The following TBC1D32 variants were observed in gnomAD, a reference collection of about 807,000 sequenced individuals.
TBC1D32 encodes TBC1 domain family member 32.
TBC1D32 carries 151 observed loss-of-function variants against 170.3 expected under a neutral mutation model. The ratio of observed to expected loss-of-function variants is 0.89; its 90% CI spans 0.78 to 1.01. The LOEUF (loss-of-function observed/expected upper bound fraction) is 1.01. Among genes scored for constraint, TBC1D32 ranks in the 50% least tolerant of loss-of-function variants. The pLI, the probability that TBC1D32 is intolerant of heterozygous loss-of-function variation, is 0.00. For missense variants in TBC1D32, 1,464 were observed against 1,457.1 expected, an observed-to-expected ratio of 1.00 and a Z score of -0.08; for synonymous variants, 498 against 488.0, an observed-to-expected ratio of 1.02 and a Z score of -0.27.
intron 15 of TBC1D32, among the ~76,000 whole-genome samples, chr6:121,270,653 C>G (rs141871647): frequency 2.6e-5 from 4 of 152,022 alleles, no homozygotes; most frequent in African/African-American, 7.2e-5. Flanking sequence ...CAGGACCAGA[C>G]GGATTCACAG....
At chr6:121,309,992 G>A (rs772238807) in intron 4 of TBC1D32, among the ~76,000 whole-genome samples, 6 of 151,942 alleles carry the variant, frequency 3.9e-5, no homozygotes, top group Admixed American at 6.6e-5. Flanking sequence ...TCATGATTGC[G>A]CCACTGTGCT....
intron 24 of TBC1D32, among the ~76,000 whole-genome samples, chr6:121,159,402 C>T (rs941633562): frequency 6.6e-6 from 1 of 152,044 alleles, no homozygotes; most frequent in Non-Finnish European, 1.5e-5. Context: ...AATCAAAGAC[C>T]ATTACTTTTT....
intron 15 of TBC1D32, among the ~76,000 whole-genome samples, chr6:121,265,984 A>G (rs1016740455): frequency 6.6e-6 from 1 of 152,174 alleles, no homozygotes; most frequent in Non-Finnish European, 1.5e-5. Context: ...AAGAAAACCT[A>G]GACAATACCA....
At chr6:121,179,047 AT>A (rs1460688787) in intron 22 of TBC1D32, among the ~76,000 whole-genome samples, 1 of 152,156 alleles carries the variant, frequency 6.6e-6, no homozygotes, top group Non-Finnish European at 1.5e-5. Context: ...CACAAAGTTT[AT>A]AGAAATTTTT....
chr6:121,177,251 C>G (rs1787895268), intron 22 of TBC1D32, among the ~76,000 whole-genome samples: 1 of 151,938 alleles, frequency 6.6e-6, no homozygotes, highest in Non-Finnish European at 1.5e-5. Context: ...TAGCACCATC[C>G]CCTTGGTGCT....
chr6:121,118,755 T>C (rs546520469), intron 26 of TBC1D32, among the ~76,000 whole-genome samples: 1 of 152,282 alleles, frequency 6.6e-6, no homozygotes, highest in South Asian at 2.1e-4. Flanking sequence ...CGGACTACAT[T>C]TCTTCCTCCC....
intron 12 of TBC1D32, among the ~76,000 whole-genome samples, chr6:121,284,614 T>C (rs1212971413): frequency 1.3e-5 from 2 of 152,158 alleles, no homozygotes; most frequent in Non-Finnish European, 2.9e-5. Context: ...TATAGAGGCT[T>C]ACATTAAAAG....
At chr6:121,198,936 T>C (rs1462684512) in intron 22 of TBC1D32, among the ~76,000 whole-genome samples, 1 of 151,350 alleles carries the variant, frequency 6.6e-6, no homozygotes, top group African/African-American at 2.5e-5. Context: ...AAGTCACTGA[T>C]GCTGCCAAAA....
At chr6:121,138,338 G>A (rs1198949218) in intron 24 of TBC1D32, among the ~76,000 whole-genome samples, 1 of 151,994 alleles carries the variant, frequency 6.6e-6, no homozygotes, top group East Asian at 1.9e-4. Context: ...GGGAGAAATC[G>A]GTGGAAATAA....
intron 30 of TBC1D32, among the ~76,000 whole-genome samples, chr6:121,094,615 T>G (rs1461979209): frequency 6.6e-6 from 1 of 152,178 alleles, no homozygotes; most frequent in Non-Finnish European, 1.5e-5. Flanking sequence ...TAAAGGAAGA[T>G]AGAATAGTAC....
At chr6:121,154,623 G>A (rs933668198) in intron 24 of TBC1D32, among the ~76,000 whole-genome samples, 1 of 152,086 alleles carries the variant, frequency 6.6e-6, no homozygotes, top group Non-Finnish European at 1.5e-5. Context: ...CACCCTTCTC[G>A]ACATAGGCTT....
At chr6:121,098,542 C>G (rs773546285) in intron 30 of TBC1D32, among the ~76,000 whole-genome samples, 42 of 151,982 alleles carry the variant, frequency 2.8e-4, no homozygotes, top group Non-Finnish European at 5.3e-4. Context: ...ACTCTTTATA[C>G]TATGAAGCAA....
chr6:121,292,952 A>T (rs561649573), intron 11 of TBC1D32, among the ~76,000 whole-genome samples: 2 of 152,282 alleles, frequency 1.3e-5, no homozygotes, highest in East Asian at 3.9e-4. Flanking sequence ...AGGATTCCAA[A>T]GCAACAGAGA....
At chr6:121,188,322 A>C (rs1789476341) in intron 22 of TBC1D32, among the ~76,000 whole-genome samples, 1 of 152,160 alleles carries the variant, frequency 6.6e-6, no homozygotes, top group Non-Finnish European at 1.5e-5. Flanking sequence ...AATAAAGTAA[A>C]TGTAAAATAT....
At chr6:121,159,079 T>C (rs1000569276) in intron 24 of TBC1D32, among the ~76,000 whole-genome samples, 5 of 152,168 alleles carry the variant, frequency 3.3e-5, no homozygotes, top group African/African-American at 1.2e-4. Flanking sequence ...AAAGAAAAAA[T>C]GCTCTTCTCT....
At chr6:121,208,729 G>GAAA (rs57771111) in intron 21 of TBC1D32, among the ~76,000 whole-genome samples, 15,798 of 86,786 alleles carry the variant, frequency 0.18, 2,719 homozygotes, top group African/African-American at 0.4. Flanking sequence ...GAAACACCTG[G>GAAA]AAAAAAAAAA....
At position 121,113,111 on chromosome 6, in the gene TBC1D32, A is replaced by G; in HGVS notation, c.3120T>C (p.His1040=). Residue 1040 remains histidine, a synonymous_variant, in exon 28 of 32, where the codon CAT becomes CAC. Transcript: ENST00000398212. ...GCTGCTGTTTCAGGAATCTCTCACA[A>G]TGCTTTAAAACCCAGGTAAGATCAT... The part of the protein sequence containing the change: ...AENDLTWVLK[H]CERFLKQQQT... 2 of 1,611,874 alleles carry G rather than the reference A, an allele frequency of 1.2e-6. No individual in the cohort carries two copies. The highest frequency in any genetic ancestry group is 1.7e-6 in the Non-Finnish European group (2 of 1,179,034).
chr6:121,194,052 A>T (rs1790402709), intron 22 of TBC1D32, among the ~76,000 whole-genome samples: 1 of 152,044 alleles, frequency 6.6e-6, no homozygotes, highest in Non-Finnish European at 1.5e-5. Flanking sequence ...CATTTTGGGA[A>T]CTACTGGACA....
intron 24 of TBC1D32, among the ~76,000 whole-genome samples, chr6:121,155,598 C>A (rs1230975390): frequency 6.6e-6 from 1 of 151,944 alleles, no homozygotes; most frequent in Non-Finnish European, 1.5e-5. Flanking sequence ...GGAATGATTC[C>A]ACTTTTTACC....
Sources: gnomAD v4.1 joint callset for allele counts (sites outside exome capture counted in the v4.1 genomes callset) on GRCh38, gnomAD v4.1.1 for gene constraint, MANE v1.5 for transcripts, NCBI Gene and HGNC (gene_info 2026-07-23, HGNC 2026-07-21) for gene names.